Variants in LHFPL3 observed in about 807,000 individuals in gnomAD.
The protein encoded by LHFPL3 is LHFPL tetraspan subfamily member 3 protein.
In LHFPL3, 5 loss-of-function variants were observed where a neutral mutation model predicts 19.3. The ratio of observed to expected loss-of-function variants is 0.26; its 90% CI spans 0.14 to 0.54. LHFPL3 has a LOEUF of 0.54. LHFPL3 is among the 20% of genes least tolerant of loss of function. The pLI is 0.94. For synonymous variants in LHFPL3, 133 were observed against 126.2 expected (o/e 1.05, Z -0.36); for missense variants, 249 against 307.4 (o/e 0.81, Z 1.42).
At chr7:104,458,809 A>C (rs967067012) in intron 1 of LHFPL3, among the ~76,000 whole-genome samples, 7 of 151,972 alleles carry the variant, frequency 4.6e-5, no homozygotes, top group Non-Finnish European at 1.0e-4. Flanking sequence ...AACATTCTCA[A>C]ACTATGTTTC....
intron 1 of LHFPL3, among the ~76,000 whole-genome samples, chr7:104,447,648 CTGGG>C (rs1792354755): frequency 2.0e-5 from 3 of 152,016 alleles, no homozygotes; most frequent in African/African-American, 7.2e-5. Context: ...GCCATTTGTT[CTGGG>C]AACCCTAGGC....
chr7:104,632,712 G>T (rs1791665219), intron 1 of LHFPL3, among the ~76,000 whole-genome samples: 1 of 152,242 alleles, frequency 6.6e-6, no homozygotes, highest in South Asian at 2.1e-4. Context: ...CTGGAGTGCA[G>T]TGGCAAGATT....
intron 1 of LHFPL3, among the ~76,000 whole-genome samples, chr7:104,406,557 C>T (rs925799695): frequency 3.3e-5 from 5 of 152,218 alleles, no homozygotes; most frequent in Non-Finnish European, 7.3e-5. Context: ...TGACCATAGT[C>T]ATGTAGTCAG....
chr7:104,366,296 A>T (rs557269214), intron 1 of LHFPL3, among the ~76,000 whole-genome samples: 2 of 152,316 alleles, frequency 1.3e-5, no homozygotes, highest in East Asian at 3.9e-4. Flanking sequence ...TTTTGAGAAG[A>T]TGGAGGAAGA....
At chr7:104,619,626 C>G (rs1562951698) in intron 1 of LHFPL3, among the ~76,000 whole-genome samples, 1 of 151,914 alleles carries the variant, frequency 6.6e-6, no homozygotes, top group African/African-American at 2.4e-5. Flanking sequence ...AATATACTTG[C>G]CACTTAATGC....
At chr7:104,516,661 T>C (rs1378619371) in intron 1 of LHFPL3, among the ~76,000 whole-genome samples, 1 of 151,892 alleles carries the variant, frequency 6.6e-6, no homozygotes, top group Non-Finnish European at 1.5e-5. Context: ...GCTGGCGAGG[T>C]TGCAGAGAAA....
intron 1 of LHFPL3, among the ~76,000 whole-genome samples, chr7:104,585,480 AACACACACACACACACAC>A (rs57028058): frequency 1.6e-5 from 2 of 123,460 alleles, no homozygotes; most frequent in African/African-American, 3.0e-5. Flanking sequence ...AACACACACA[AACACACACACACACACAC>A]ACACACACAC....
At chr7:104,616,591 A>C (rs970530845) in intron 1 of LHFPL3, among the ~76,000 whole-genome samples, 18 of 152,194 alleles carry the variant, frequency 1.2e-4, no homozygotes, top group Non-Finnish European at 2.6e-4. Context: ...AGACTTCATG[A>C]CTAAAACACC....
At chr7:104,845,327 G>A in intron 2 of LHFPL3, 1 of 965,050 alleles carries the variant, frequency 1.0e-6, no homozygotes, top group Non-Finnish European at 1.6e-6. Flanking sequence ...AAAAAATGAA[G>A]TGTGAGCTCT....
chr7:104,481,378 A>G (rs1286758634), intron 1 of LHFPL3, among the ~76,000 whole-genome samples: 1 of 152,130 alleles, frequency 6.6e-6, no homozygotes, highest in Non-Finnish European at 1.5e-5. Flanking sequence ...TAAAGCATTC[A>G]TGTGACATAC....
At chr7:104,485,805 T>C (rs1037113599) in intron 1 of LHFPL3, among the ~76,000 whole-genome samples, 9 of 152,144 alleles carry the variant, frequency 5.9e-5, no homozygotes, top group African/African-American at 2.2e-4. Context: ...GCTCGGTGTG[T>C]GATGTTCTCT....
chr7:104,495,672 C>A (rs759041418), intron 1 of LHFPL3, among the ~76,000 whole-genome samples: 8 of 152,144 alleles, frequency 5.3e-5, no homozygotes, highest in Non-Finnish European at 1.2e-4. Flanking sequence ...CTTGAGCTAA[C>A]GCGCCTGGCC....
Position 104,748,745 on chromosome 7 carries a change from G to A in LHFPL3, c.682+11834G>A, listed in dbSNP as rs530404530. On this transcript the variant is annotated intron_variant, in intron 2 of 2. Transcript: ENST00000424859. ...ACTAAGGGAACTCAGAGGCTGGTGG[G>A]ATCCTCCATATGCTGAACGCTGGTT... Among the ~76,000 whole-genome samples the A allele has an allele frequency of 2.4e-4, 36 of 152,238 alleles. No individual in the cohort carries two copies. In the East Asian group the frequency reaches 6.8e-3, roughly 29 times the overall value.
At chr7:104,384,534 C>A (rs894235905) in intron 1 of LHFPL3, among the ~76,000 whole-genome samples, 1 of 151,728 alleles carries the variant, frequency 6.6e-6, no homozygotes, top group African/African-American at 2.4e-5. Context: ...TGCCTGTAAT[C>A]CCAGCACTTT....
intron 1 of LHFPL3, among the ~76,000 whole-genome samples, chr7:104,372,569 G>A (rs1206793984): frequency 6.6e-6 from 1 of 152,158 alleles, no homozygotes; most frequent in Non-Finnish European, 1.5e-5. Flanking sequence ...CAAAAGAAAA[G>A]GTCTAATGGT....
chr7:104,726,878 T>G (rs1793601505), intron 1 of LHFPL3, among the ~76,000 whole-genome samples: 1 of 152,178 alleles, frequency 6.6e-6, no homozygotes, highest in Non-Finnish European at 1.5e-5. Context: ...AAATGCTATT[T>G]CTGGTTCTAG....
At chr7:104,396,100 AC>A (rs1266902323) in intron 1 of LHFPL3, among the ~76,000 whole-genome samples, 1 of 152,194 alleles carries the variant, frequency 6.6e-6, no homozygotes, top group Non-Finnish European at 1.5e-5. Flanking sequence ...CCTTGGGTTC[AC>A]ATGGTAGAAA....
intron 1 of LHFPL3, among the ~76,000 whole-genome samples, chr7:104,591,830 C>A (rs768740589): frequency 6.6e-6 from 1 of 152,052 alleles, no homozygotes; most frequent in Non-Finnish European, 1.5e-5. Context: ...ACTCTTTTTT[C>A]TCTAAACTTC....
At chr7:104,568,100 T>A (rs1487248008) in intron 1 of LHFPL3, among the ~76,000 whole-genome samples, 1 of 152,190 alleles carries the variant, frequency 6.6e-6, no homozygotes, top group Non-Finnish European at 1.5e-5. Flanking sequence ...TCCTATGGAC[T>A]CTTAAGGAAT....
Sources: allele counts gnomAD v4.1 joint callset (sites outside exome capture counted in the v4.1 genomes callset), GRCh38; gene constraint gnomAD v4.1.1; transcripts MANE v1.5; gene names NCBI Gene and HGNC (gene_info 2026-07-23, HGNC 2026-07-21).